Variants in HECW2 observed in about 807,000 individuals in gnomAD.
HECW2 encodes the protein HECT, C2 and WW domain containing E3 ubiquitin protein ligase 2, also known as E3 ubiquitin-protein ligase HECW2.
Under a neutral mutation model 175.2 loss-of-function variants are expected in HECW2, and 61 were observed. The ratio of observed to expected loss-of-function variants is 0.35; its 90% CI spans 0.28 to 0.43. The LOEUF (loss-of-function observed/expected upper bound fraction) is 0.43. Among genes scored for constraint, HECW2 ranks in the 20% least tolerant of loss-of-function variants. HECW2 has a pLI of 1.00. For synonymous variants in HECW2, 671 were observed against 731.0 expected (o/e 0.92, Z 1.32); for missense variants, 1,524 against 2,000.5 (o/e 0.76, Z 4.54).
At chr2:196,587,519 T>C (rs1387290072) in intron 1 of HECW2, among the ~76,000 whole-genome samples, 1 of 152,244 alleles carries the variant, frequency 6.6e-6, no homozygotes, top group African/African-American at 2.4e-5. Flanking sequence ...TTCTGAAATG[T>C]AGCATTTACA....
At chr2:196,266,952 G>A (rs922601292) in intron 17 of HECW2, among the ~76,000 whole-genome samples, 1 of 152,120 alleles carries the variant, frequency 6.6e-6, no homozygotes, top group Non-Finnish European at 1.5e-5. Context: ...TTTGCCTTTT[G>A]TGGTTCAGAA....
chr2:196,542,312 G>A (rs1689247648), intron 1 of HECW2, among the ~76,000 whole-genome samples: 1 of 149,804 alleles, frequency 6.7e-6, no homozygotes, highest in African/African-American at 2.4e-5. Context: ...AAAAAGTACG[G>A]TAAACAAGAG....
chr2:196,275,586 T>C (rs1689920411), intron 15 of HECW2, among the ~76,000 whole-genome samples: 1 of 152,092 alleles, frequency 6.6e-6, no homozygotes, highest in Non-Finnish European at 1.5e-5. Context: ...ACCCCATCTC[T>C]ACTAAAAATA....
In HECW2 at chr2:196,253,110, T is replaced by G. The variant is rs1428304494; in HGVS notation, c.3529+810A>C. 5.3e-5 allele frequency among the ~76,000 whole-genome samples: 8 copies of G among 152,352 alleles called. No homozygotes were observed. The East Asian group carries it at 1.5e-3, about 29-fold the overall frequency. On this transcript the variant is annotated intron_variant, in intron 19 of 28. Transcript: ENST00000644978. ...AATACATCTTTTCCTGTTTGCAGTA[T>G]CCAATTAGGCTGCATCTTCATTATC... is the stretch of plus-strand genomic sequence containing the variant.
chr2:196,381,028 T>A (rs1421841972), intron 2 of HECW2, among the ~76,000 whole-genome samples: 1 of 152,148 alleles, frequency 6.6e-6, no homozygotes, highest in Non-Finnish European at 1.5e-5. Flanking sequence ...ATTCCCGAAG[T>A]GCTTCTCCTC....
chr2:196,381,379 C>T (rs183470239), intron 2 of HECW2, among the ~76,000 whole-genome samples: 1 of 152,000 alleles, frequency 6.6e-6, no homozygotes, highest in Non-Finnish European at 1.5e-5. Context: ...TGCTTTGGTG[C>T]CTTAGCTGTT....
In HECW2 at chr2:196,199,926, GGT is replaced by G. The variant is rs2105748593; in HGVS notation, c.*1349_*1350del. ...AATATAGTTCTGAGTTTCAATTTGT[GGT>G]GTCTTCACTGATGAGGGAAAATGGA... On this transcript the variant is annotated 3_prime_UTR_variant, in exon 29 of 29. Transcript: ENST00000644978. 1 of 152,584 alleles carries G rather than the reference GGT, an allele frequency of 6.6e-6. No individual in the cohort carries two copies. Among genetic ancestry groups the G allele is most frequent in the African/African-American group, 2.4e-5 (1 of 41,514 alleles). 9.5% of individuals were successfully genotyped at this position (152,584 alleles called of 1,614,324 possible).
chr2:196,538,877 A>T (rs1231743536), intron 1 of HECW2, among the ~76,000 whole-genome samples: 1 of 152,128 alleles, frequency 6.6e-6, no homozygotes, highest in Non-Finnish European at 1.5e-5. Context: ...CCTCTCTACC[A>T]ATCAACGCAC....
In HECW2 at chr2:196,220,870, G is replaced by C; in HGVS notation, c.4218C>G (p.Ile1406Met). The C allele has an allele frequency of 6.2e-7, 1 of 1,613,960 alleles. No homozygotes were observed. The highest frequency in any genetic ancestry group is 8.5e-7 in the Non-Finnish European group (1 of 1,179,944). ...CAATCCTCCACTTCACCATCCTCTC[G>C]ATGTACTCCTTCTTGTTCTTCTCTG... ...PVTEKNKKEY[I>M]ERMVKWRIER... Residue 1406 changes from isoleucine to methionine, a missense_variant, in exon 25 of 29, where the codon ATC becomes ATG. By Grantham distance (10) the Ile-to-Met change is conservative. Coordinates refer to ENST00000644978, the MANE Select transcript of HECW2 (RefSeq NM_001348768.2).
At chr2:196,296,610 C>T (rs1690825470) in intron 13 of HECW2, among the ~76,000 whole-genome samples, 1 of 152,130 alleles carries the variant, frequency 6.6e-6, no homozygotes, top group African/African-American at 2.4e-5. Context: ...TGTGCTAAGC[C>T]CTGTGCTAAA....
rs1301313693 is a variant in HECW2 at position 196,348,785 on chromosome 2, C to T, written c.293-5021G>A. Among the ~76,000 whole-genome samples the T allele has an allele frequency of 1.3e-5, 2 of 152,188 alleles. 1 individual carries two copies. The highest frequency in any genetic ancestry group is 4.1e-4 in the South Asian group (2 of 4,828). The stretch of plus-strand genomic sequence containing the variant: ...AAAGGTTCCGACAAATCATAGAATG[C>T]CACTGGTCTTTAAAACCAAGTTATA... On this transcript the variant is annotated intron_variant, in intron 2 of 28. Transcript: ENST00000644978.
rs1373096891 is a variant in HECW2 at position 196,240,507 on chromosome 2, A to T, written c.3706T>A (p.Tyr1236Asn). Residue 1236 changes from tyrosine to asparagine, a missense_variant, in exon 21 of 29, where the codon TAC becomes AAC. Physicochemically the swap from Tyr to Asn is moderately radical, Grantham distance 143. Transcript: ENST00000644978. ...TTTCTCTGCAGGTCTTTTCTGGAGT[A>T]GCCCATAATCTGATTAAAAGCATCT... ...LEDAFNQIMG[Y>N]SRKDLQRNKL... 2 of 1,612,972 alleles carry T rather than the reference A, an allele frequency of 1.2e-6. No individual in the cohort carries two copies. Among genetic ancestry groups the T allele is most frequent in the Non-Finnish European group, 8.5e-7 (1 of 1,179,680 alleles).
chr2:196,376,785 T>G (rs1299116437), intron 2 of HECW2, among the ~76,000 whole-genome samples: 1 of 151,520 alleles, frequency 6.6e-6, no homozygotes, highest in African/African-American at 2.4e-5. Flanking sequence ...AATACAAAAA[T>G]TAGCCAGGTG....
At chr2:196,347,696 C>T (rs1373794119) in intron 2 of HECW2, among the ~76,000 whole-genome samples, 1 of 152,178 alleles carries the variant, frequency 6.6e-6, no homozygotes, top group Non-Finnish European at 1.5e-5. Flanking sequence ...TTACAGAAAA[C>T]AAGTTCAAAT....
In HECW2 at chr2:196,423,116, C is replaced by T. The variant is rs115409182; in HGVS notation, c.292+10016G>A. Among the ~76,000 whole-genome samples the T allele has an allele frequency of 3.5e-3, 529 of 152,208 alleles. 4 individuals carry two copies. The highest frequency in any genetic ancestry group is 0.012 in the African/African-American group (491 of 41,546). ...GGAAATCCCTTCTTGGGAATTCATT[C>T]AGTGGGTAAGTTTGAGCTGCAGCTT... On this transcript the variant is annotated intron_variant, in intron 2 of 28. Transcript: ENST00000644978.
chr2:196,313,161 A>G (rs762729238), intron 10 of HECW2, among the ~76,000 whole-genome samples: 20 of 152,196 alleles, frequency 1.3e-4, no homozygotes, highest in Non-Finnish European at 2.4e-4. Flanking sequence ...ATTGTCTCCA[A>G]TGCAGCAATG....
chr2:196,298,535 A>T (rs1690904993), intron 13 of HECW2, among the ~76,000 whole-genome samples: 1 of 151,910 alleles, frequency 6.6e-6, no homozygotes. Flanking sequence ...TCTCGGGTAC[A>T]TGTGCACAAC....
rs913860353 is a variant in HECW2 at position 196,197,118 on chromosome 2, G to A, written c.*4159C>T. 1.3e-5 allele frequency: 2 copies of A among 152,016 alleles called. No individual in the cohort carries two copies. The highest frequency in any genetic ancestry group is 4.8e-5 in the African/African-American group (2 of 41,386). 9.4% of individuals were successfully genotyped at this position (152,016 alleles called of 1,614,324 possible). ...AGAAAGCAAAAGGCCCTGAAACTGA[G>A]ACTCAGTTTGGAGATTAGACCACAT... On this transcript the variant is annotated 3_prime_UTR_variant, in exon 29 of 29. Coordinates refer to ENST00000644978, the MANE Select transcript of HECW2 (RefSeq NM_001348768.2).
In HECW2 at chr2:196,334,415, G is replaced by C. The variant is rs533622155; in HGVS notation, c.495+9C>G. 2.5e-6 allele frequency: 4 copies of C among 1,598,512 alleles called. No individual in the cohort carries two copies. The South Asian group carries it at 4.5e-5, about 18-fold the overall frequency. On this transcript the variant is annotated intron_variant, in intron 4 of 28. Coordinates refer to ENST00000644978, the MANE Select transcript of HECW2 (RefSeq NM_001348768.2). ...TCTCACAAGGAAGCTGGCAGCGAGG[G>C]GCACTCACCATCACAGCTGGGTTCT...
Sources: gnomAD v4.1 joint callset for allele counts (sites outside exome capture counted in the v4.1 genomes callset) on GRCh38, gnomAD v4.1.1 for gene constraint, MANE v1.5 for transcripts, NCBI Gene and HGNC (gene_info 2026-07-23, HGNC 2026-07-21) for gene names.